OPCML: variants seen among roughly 807,000 people sequenced by gnomAD.
OPCML encodes opioid binding protein/cell adhesion molecule like.
A neutral mutation model predicts 37.8 loss-of-function variants in OPCML; 13 were observed. The ratio of observed to expected loss-of-function variants is 0.34; its 90% CI spans 0.22 to 0.55. The LOEUF is 0.55. Among genes scored for constraint, OPCML ranks in the 20% least tolerant of loss-of-function variants. The pLI, the probability that OPCML is intolerant of heterozygous loss-of-function variation, is 0.91. For synonymous variants in OPCML, 176 were observed against 168.8 expected, an observed-to-expected ratio of 1.04 and a Z score of -0.33; for missense variants, 341 against 435.6, an observed-to-expected ratio of 0.78 and a Z score of 1.93.
In OPCML at chr11:133,449,465, G is replaced by C. The variant is rs182649517; in HGVS notation, c.61+82799C>G. Among the ~76,000 whole-genome samples, 137 of 152,244 alleles carry C rather than the reference G, an allele frequency of 9.0e-4. 2 individuals carry two copies. In the East Asian group the frequency reaches 0.014, roughly 16 times the overall value. On this transcript the variant is annotated intron_variant, in intron 1 of 7. Transcript: ENST00000524381. ...AACTCTGGTATAGTGTAGTTTCTTA[G>C]GGTTGCTGTGACCAATCACCACAGA...
At chr11:133,031,099 G>T (rs1555079377) in intron 1 of OPCML, among the ~76,000 whole-genome samples, 1 of 152,202 alleles carries the variant, frequency 6.6e-6, no homozygotes, top group Non-Finnish European at 1.5e-5. Context: ...GGTTTACTCA[G>T]CACTTATCAC....
intron 2 of OPCML, among the ~76,000 whole-genome samples, chr11:132,664,666 C>T (rs1942145519): frequency 6.6e-6 from 1 of 152,128 alleles, no homozygotes; most frequent in Non-Finnish European, 1.5e-5. Flanking sequence ...TAGATCAACT[C>T]CCAAGGTATT....
intron 1 of OPCML, among the ~76,000 whole-genome samples, chr11:133,216,193 G>A (rs2071509875): frequency 6.6e-6 from 1 of 152,192 alleles, no homozygotes; most frequent in African/African-American, 2.4e-5. Flanking sequence ...GTAATAGGGA[G>A]CTCAATACCT....
In OPCML at chr11:132,589,210, T is replaced by C. The variant is rs151026996; in HGVS notation, c.380-60024A>G. ...ACCAGACAAAAATGCATAGAAACCATTGTTTTATACCAAAACTCCCAACTT... is the reference window on the plus strand; with the variant it reads ...ACCAGACAAAAATGCATAGAAACCACTGTTTTATACCAAAACTCCCAACTT... On this transcript the variant is annotated intron_variant, in intron 3 of 7. Coordinates refer to ENST00000524381, the MANE Select transcript of OPCML (RefSeq NM_001012393.5). Among the ~76,000 whole-genome samples, 34 of 152,288 alleles carry C rather than the reference T, an allele frequency of 2.2e-4. No individual in the cohort carries two copies. In the East Asian group the frequency reaches 6.4e-3, roughly 29 times the overall value.
chr11:132,548,540 G>A (rs532929592), intron 3 of OPCML, among the ~76,000 whole-genome samples: 2 of 152,284 alleles, frequency 1.3e-5, no homozygotes, highest in East Asian at 3.9e-4. Context: ...CAACAAGCAG[G>A]TGTTAACACT....
At chr11:132,705,999 G>T (rs1275337923) in intron 2 of OPCML, among the ~76,000 whole-genome samples, 1 of 151,974 alleles carries the variant, frequency 6.6e-6, no homozygotes, top group East Asian at 1.9e-4. Context: ...GTAAAGACGG[G>T]GTTTCACCAT....
At chr11:133,488,296 T>C (rs1947575806) in intron 1 of OPCML, among the ~76,000 whole-genome samples, 1 of 152,116 alleles carries the variant, frequency 6.6e-6, no homozygotes, top group Non-Finnish European at 1.5e-5. Context: ...ATAAAAGGCA[T>C]CCAAATTGGA....
At chr11:132,937,478 C>CAG (rs35025482) in intron 2 of OPCML, among the ~76,000 whole-genome samples, 59 of 149,444 alleles carry the variant, frequency 3.9e-4, no homozygotes, top group African/African-American at 8.6e-4. Flanking sequence ...AACAGGGGGA[C>CAG]AGAGAGAGAG....
intron 4 of OPCML, among the ~76,000 whole-genome samples, chr11:132,512,999 C>T (rs1360968518): frequency 2.6e-5 from 4 of 151,926 alleles, no homozygotes; most frequent in African/African-American, 9.7e-5. Flanking sequence ...AAATAAAAAG[C>T]CCTTGTTCTT....
At chr11:132,784,118 C>A (rs1393108527) in intron 2 of OPCML, among the ~76,000 whole-genome samples, 1 of 152,120 alleles carries the variant, frequency 6.6e-6, no homozygotes, top group Non-Finnish European at 1.5e-5. Flanking sequence ...GCAACCTGCC[C>A]AGAAAACCAA....
At chr11:132,935,829 G>C (rs1945349993) in intron 2 of OPCML, among the ~76,000 whole-genome samples, 1 of 152,156 alleles carries the variant, frequency 6.6e-6, no homozygotes, top group Non-Finnish European at 1.5e-5. Flanking sequence ...CTATACTTTG[G>C]TATCACTCAT....
At chr11:132,488,532 C>T (rs1470912719) in intron 4 of OPCML, among the ~76,000 whole-genome samples, 1 of 152,126 alleles carries the variant, frequency 6.6e-6, no homozygotes, top group Non-Finnish European at 1.5e-5. Context: ...GTATAGGGTG[C>T]TTATCATGAA....
At chr11:132,561,230 A>C (rs12295378) in intron 3 of OPCML, among the ~76,000 whole-genome samples, 48,314 of 152,168 alleles carry the variant, frequency 0.32, 9,325 homozygotes, top group Non-Finnish European at 0.44. Context: ...TCTTAAGTGA[A>C]CTACTCCAAC....
In OPCML at chr11:132,988,689, G is replaced by C. The variant is rs1048683743; in HGVS notation, c.62-45679C>G. On this transcript the variant is annotated intron_variant, in intron 1 of 7. Transcript: ENST00000524381. Reference sequence around the variant, plus strand: ...CTCCCTCTGCTAGTTTTGCAGAATAGAAGATTAAAGGCGATGAGGTGAGGT... The same window carrying C: ...CTCCCTCTGCTAGTTTTGCAGAATACAAGATTAAAGGCGATGAGGTGAGGT... Among the ~76,000 whole-genome samples the C allele has an allele frequency of 6.6e-5, 10 of 152,298 alleles. 1 individual carries two copies. Among genetic ancestry groups the C allele is most frequent in the Admixed American group, 5.2e-4 (8 of 15,294 alleles).
rs141373960 is a variant in OPCML, at chr11:133,324,883, A to G, written c.61+207381T>C. On this transcript the variant is annotated intron_variant, in intron 1 of 7. Coordinates refer to ENST00000524381, the MANE Select transcript of OPCML (RefSeq NM_001012393.5). ...ATTAGAGCTATAGTATTATAGCTAT[A>G]CAGAATAGTATATAGTATTATAGAT... is the stretch of plus-strand genomic sequence containing the variant. 4.4e-3 allele frequency among the ~76,000 whole-genome samples: 676 copies of G among 152,274 alleles called. 7 individuals are homozygous for G. The highest frequency in any genetic ancestry group is 0.015 in the African/African-American group (634 of 41,556).
chr11:132,784,006 C>A (rs564328047), intron 2 of OPCML, among the ~76,000 whole-genome samples: 1 of 152,274 alleles, frequency 6.6e-6, no homozygotes, highest in African/African-American at 2.4e-5. Flanking sequence ...GATTAGCAAA[C>A]ATCATTTGTA....
intron 4 of OPCML, among the ~76,000 whole-genome samples, chr11:132,517,181 C>A (rs1020605182): frequency 7.2e-5 from 11 of 152,136 alleles, no homozygotes; most frequent in Middle Eastern, 3.2e-3. Flanking sequence ...TGAATTTAAT[C>A]AGAGCTACTT....
At chr11:133,092,618 C>T (rs1285832225) in intron 1 of OPCML, among the ~76,000 whole-genome samples, 2 of 152,090 alleles carry the variant, frequency 1.3e-5, no homozygotes, top group African/African-American at 4.8e-5. Flanking sequence ...CCCAGCTACT[C>T]AGGAGGCTGA....
At chr11:132,808,036 A>G (rs992925391) in intron 2 of OPCML, among the ~76,000 whole-genome samples, 1 of 152,210 alleles carries the variant, frequency 6.6e-6, no homozygotes, top group African/African-American at 2.4e-5. Flanking sequence ...TCTGCTGGCA[A>G]TGAATTTGAT....
Sources: gnomAD v4.1 joint callset for allele counts (sites outside exome capture counted in the v4.1 genomes callset) on GRCh38, gnomAD v4.1.1 for gene constraint, MANE v1.5 for transcripts, NCBI Gene and HGNC (gene_info 2026-07-23, HGNC 2026-07-21) for gene names.